Variants in ZC3H14 observed in about 807,000 individuals in gnomAD.
The protein encoded by ZC3H14 is zinc finger CCCH-type containing 14, also known as zinc finger CCCH domain-containing protein 14.
ZC3H14 carries 31 observed loss-of-function variants against 92.4 expected under a neutral mutation model. The ratio of observed to expected loss-of-function variants is 0.34; its 90% CI spans 0.25 to 0.45. ZC3H14 has a LOEUF of 0.45. ZC3H14 is among the 20% of genes least tolerant of loss of function. The pLI, the probability that ZC3H14 is intolerant of heterozygous loss-of-function variation, is 1.00. For synonymous variants in ZC3H14, 321 were observed against 300.9 expected (o/e 1.07, Z -0.69); for missense variants, 781 against 897.3 (o/e 0.87, Z 1.66).
rs1340867539 is a variant in ZC3H14, at chr14:88,602,004, G to C, written c.1435G>C (p.Val479Leu). The C allele has an allele frequency of 6.2e-7, 1 of 1,614,154 alleles. No individual in the cohort carries two copies. The highest frequency in any genetic ancestry group is 1.1e-5 in the South Asian group (1 of 91,076). The change falls in exon 11 of 17, where the codon GTA becomes CTA. Residue 479 changes from valine (V) to leucine (L), a missense_variant. Around this residue, in one of 3 missense-constraint regions of ZC3H14, gnomAD observed 454 missense variants for 438.5 expected, o/e 1.04. Coordinates refer to ENST00000251038, the MANE Select transcript of ZC3H14 (RefSeq NM_024824.5). ...GAAGCCAAAGCTGTCTGAGGAAGTA[G>C]TAGTGGCACCAAACCAAGAGTCGGG... Reference protein sequence around the residue: ...LKKPKLSEEVVVAPNQESGMK... With the variant: ...LKKPKLSEEVLVAPNQESGMK...
chr14:88,594,559 T>C (rs1380746059), intron 9 of ZC3H14: 5 of 1,461,632 alleles, frequency 3.4e-6, no homozygotes, highest in Non-Finnish European at 3.6e-6. Context: ...CCCCATCTTT[T>C]GAATTACAGG....
At chr14:88,568,417 CCTT>C (rs2079971098) in intron 3 of ZC3H14, among the ~76,000 whole-genome samples, 1 of 152,336 alleles carries the variant, frequency 6.6e-6, no homozygotes, top group African/African-American at 2.4e-5. Context: ...GAAGCAAGCA[CCTT>C]CTTCACAAGT....
chr14:88,610,779 T>C, intron 15 of ZC3H14, 55 bp from the exon 16 acceptor site: 2 of 1,521,264 alleles, frequency 1.3e-6, no homozygotes, highest in Non-Finnish European at 1.8e-6. Context: ...TAAAATAATG[T>C]GTTTACTTAT....
chr14:88,607,727 A>C (rs1187739532), intron 13 of ZC3H14, among the ~76,000 whole-genome samples: 2 of 58,810 alleles, frequency 3.4e-5, no homozygotes, highest in African/African-American at 7.4e-5. Context: ...ATCATCCCCC[A>C]TCTAGCCCTG....
At chr14:88,606,891 C>T (rs539532612) in intron 12 of ZC3H14, among the ~76,000 whole-genome samples, 12 of 152,010 alleles carry the variant, frequency 7.9e-5, no homozygotes, top group Admixed American at 1.3e-4. Flanking sequence ...TATCACCTTA[C>T]CTGTTTTCAG....
At position 88,618,925 on chromosome 14, in the gene ZC3H14, A is replaced by G; in HGVS notation, c.*7174A>G. On this transcript the variant is annotated 3_prime_UTR_variant, in exon 17 of 17. Coordinates refer to ENST00000251038, the MANE Select transcript of ZC3H14 (RefSeq NM_024824.5). ...AAAGTAACGTGTGATAAGGCCTCAAATAGATTTACCTGTCAGACACAACTG... is the reference window on the plus strand; with the variant it reads ...AAAGTAACGTGTGATAAGGCCTCAAGTAGATTTACCTGTCAGACACAACTG... 1 of 1,052,738 alleles carries G rather than the reference A, an allele frequency of 9.5e-7. No homozygotes were observed. The highest frequency in any genetic ancestry group is 1.3e-6 in the Non-Finnish European group (1 of 750,994). 65.2% of individuals were successfully genotyped at this position (1,052,738 alleles called of 1,614,324 possible). A position where few individuals can be genotyped will look rare whatever the true frequency, so the allele number is the denominator to read the frequency against.
intron 10 of ZC3H14, among the ~76,000 whole-genome samples, chr14:88,599,638 C>G (rs76127010): frequency 0.013 from 1,926 of 152,096 alleles, 22 homozygotes; most frequent in Middle Eastern, 0.034. Context: ...TTCACTCTGT[C>G]TTTATTCTTC....
intron 12 of ZC3H14, 93 bp from the exon 13 acceptor site, chr14:88,607,150 T>G (rs533013224): frequency 1.0e-5 from 16 of 1,584,572 alleles, no homozygotes; most frequent in Non-Finnish European, 1.4e-5. Flanking sequence ...TAACAGAAGA[T>G]TCTAAGACAG....
rs995969855 is a variant in ZC3H14 at position 88,605,626 on chromosome 14, A to G, written c.1748-1617A>G. ...TGGGGTTACAGGCATGAGCCACCACATCCTATTTAAAGCTTAAATAGGACT... is the reference window on the plus strand; with the variant it reads ...TGGGGTTACAGGCATGAGCCACCACGTCCTATTTAAAGCTTAAATAGGACT... On this transcript the variant is annotated intron_variant, in intron 12 of 16. Coordinates refer to ENST00000251038, the MANE Select transcript of ZC3H14 (RefSeq NM_024824.5). Among the ~76,000 whole-genome samples the G allele has an allele frequency of 1.4e-4, 22 of 152,186 alleles. 2 individuals are homozygous for G.
At chr14:88,567,026 TTTTTGTTC>T (rs1207712185) in intron 2 of ZC3H14, among the ~76,000 whole-genome samples, 3 of 152,014 alleles carry the variant, frequency 2.0e-5, no homozygotes, top group Non-Finnish European at 2.9e-5. Context: ...GGTTTTTGTT[TTTTTGTTC>T]TTTTAAATCC....
At chr14:88,575,354 G>A (rs2081025197) in intron 7 of ZC3H14, among the ~76,000 whole-genome samples, 1 of 152,022 alleles carries the variant, frequency 6.6e-6, no homozygotes. Context: ...AATATGGTGG[G>A]GTGAGGAGGA....
chr14:88,615,982 G>T lies in ZC3H14; in HGVS notation c.*4231G>T. On this transcript the variant is annotated 3_prime_UTR_variant, in exon 17 of 17. Coordinates refer to ENST00000251038, the MANE Select transcript of ZC3H14 (RefSeq NM_024824.5). ...TTTCCTCTTTAACTCCTTTTATTCT[G>T]TATTTGCATAAATATGAGATTCTGA... The T allele has an allele frequency of 7.9e-7, 1 of 1,267,792 alleles. No homozygotes were observed. The highest frequency in any genetic ancestry group is 1.4e-5 in the South Asian group (1 of 72,092). The allele number at this position is 1,267,792 out of a possible 1,614,324, so 78.5% of individuals were successfully genotyped here.
chr14:88,574,829 C>G lies in ZC3H14; in HGVS notation c.998C>G (p.Ser333Cys), dbSNP rs143157900. 1 of 1,614,088 alleles carries G rather than the reference C, an allele frequency of 6.2e-7. No homozygotes were observed. ...SRTGSISSSV[S>C]VPAKPERRPS... is the part of the protein sequence containing the mutation. ...ACAGGAAGCATCTCCAGCAGTGTGT[C>G]TGTGCCTGCAAAGCCTGAAAGGAGG... The change falls in exon 7 of 17, where the codon TCT (serine) becomes TGT (cysteine). Residue 333 changes from serine (S) to cysteine (C), a missense_variant. Physicochemically the swap from Ser to Cys is moderately radical, Grantham distance 112. Coordinates refer to ENST00000251038, the MANE Select transcript of ZC3H14 (RefSeq NM_024824.5).
At chr14:88,594,281 C>A in intron 9 of ZC3H14, 1 of 383,844 alleles carries the variant, frequency 2.6e-6, no homozygotes, top group Non-Finnish European at 3.6e-6. Context: ...TATTGCTTAA[C>A]CTATAAAGTA....
chr14:88,583,567 A>C (rs1388215260), intron 9 of ZC3H14, among the ~76,000 whole-genome samples: 1 of 152,102 alleles, frequency 6.6e-6, no homozygotes, highest in Non-Finnish European at 1.5e-5. Context: ...TTTCCATTAT[A>C]ATTTTCATCA....
chr14:88,607,191 TACTG>T, intron 12 of ZC3H14, 48 bp from the exon 13 acceptor site: 1 of 1,613,396 alleles, frequency 6.2e-7, no homozygotes, highest in Non-Finnish European at 8.5e-7. Flanking sequence ...AGGTGCTGTG[TACTG>T]AATTGATCAT....
rs2086835755 is a variant in ZC3H14 at position 88,611,756 on chromosome 14, C to T, written c.*5C>T. On this transcript the variant is annotated 3_prime_UTR_variant, in exon 17 of 17. Transcript: ENST00000251038. The stretch of plus-strand genomic sequence containing the variant: ...TTCTGTTCATTCAGCGAATAGCACC[C>T]AGTCCTGCCTGGCAGAAGATCATGC... The T allele has an allele frequency of 3.7e-6, 6 of 1,613,986 alleles. No individual in the cohort carries two copies. The highest frequency in any genetic ancestry group is 5.1e-6 in the Non-Finnish European group (6 of 1,179,942).
At chr14:88,567,112 T>TTTA (rs2079754673) in intron 2 of ZC3H14, among the ~76,000 whole-genome samples, 1 of 10,916 alleles carries the variant, frequency 9.2e-5, no homozygotes, top group Admixed American at 2.0e-3. Flanking sequence ...CTTTTATTTA[T>TTTA]TTTATTTATT....
At chr14:88,587,400 A>T (rs1475354379) in intron 9 of ZC3H14, among the ~76,000 whole-genome samples, 1 of 152,234 alleles carries the variant, frequency 6.6e-6, no homozygotes, top group South Asian at 2.1e-4. Flanking sequence ...TCCTGAGCTC[A>T]GGCAGTCTGC....
Sources: gnomAD v4.1 joint callset for allele counts (sites outside exome capture counted in the v4.1 genomes callset) on GRCh38, gnomAD v4.1.1 for gene constraint, gnomAD v4.1.1 regional missense constraint, MANE v1.5 for transcripts, NCBI Gene and HGNC (gene_info 2026-07-23, HGNC 2026-07-21) for gene names.